CPLANE1: variants seen among roughly 807,000 people sequenced by gnomAD.
The protein encoded by CPLANE1 is ciliogenesis and planar polarity effector 1.
A neutral mutation model predicts 362.5 loss-of-function variants in CPLANE1; 263 were observed. The ratio of observed to expected loss-of-function variants is 0.73; its 90% CI spans 0.66 to 0.80. The LOEUF (loss-of-function observed/expected upper bound fraction) is 0.80. Among genes scored for constraint, CPLANE1 ranks in the 30% least tolerant of loss-of-function variants. The pLI, the probability that CPLANE1 is intolerant of heterozygous loss-of-function variation, is 0.00. For synonymous variants in CPLANE1, 1,212 were observed against 1,302.6 expected, an observed-to-expected ratio of 0.93 and a Z score of 1.50; for missense variants, 3,461 against 3,793.4, an observed-to-expected ratio of 0.91 and a Z score of 2.30.
rs886060576 is a variant in CPLANE1, at chr5:37,165,655, C to T, written c.7417G>A (p.Glu2473Lys). 6.2e-7 allele frequency: 1 copy of T among 1,608,762 alleles called. No individual in the cohort carries two copies. Among genetic ancestry groups the T allele is most frequent in the East Asian group, 2.2e-5 (1 of 44,704 alleles). Residue 2473 changes from glutamate to lysine, a missense_variant, in exon 36 of 53, where the codon GAG becomes AAG. By Grantham distance (56) the Glu-to-Lys change is moderately conservative (BLOSUM62 1). Coordinates refer to ENST00000651892, the MANE Select transcript of CPLANE1 (RefSeq NM_001384732.1). Reference protein sequence around the residue: ...DSKKRQRRRAEKELQEKRCEK... With the variant: ...DSKKRQRRRAKKELQEKRCEK... ...CATCTTTTTTCTTGCAGCTCTTTCT[C>T]AGCTCTTCTTCTTTGCCTGTTAAAC...
Position 37,227,763 on chromosome 5 carries a change from A to G in CPLANE1, c.1176T>C (p.Ser392=), listed in dbSNP as rs1796769472. The G allele has an allele frequency of 6.4e-7, 1 of 1,551,446 alleles. No homozygotes were observed. ...DSNNSVDSSA[S]DSDPMRQRFS... is the part of the protein sequence containing the mutation. Reference sequence around the variant, plus strand: ...ATCTCTGTCTCATAGGGTCACTATCAGAAGCTGATGAATCAACAGAATTAT... The same window carrying G: ...ATCTCTGTCTCATAGGGTCACTATCGGAAGCTGATGAATCAACAGAATTAT... Residue 392 remains serine (S), a synonymous_variant, in exon 10 of 53, where the codon TCT becomes TCC. Coordinates refer to ENST00000651892, the MANE Select transcript of CPLANE1 (RefSeq NM_001384732.1).
At chr5:37,202,715 T>C (rs1789549278) in intron 18 of CPLANE1, among the ~76,000 whole-genome samples, 1 of 152,138 alleles carries the variant, frequency 6.6e-6, no homozygotes, top group Admixed American at 6.6e-5. Context: ...GAATATAATA[T>C]GTCAAACACT....
chr5:37,110,491 T>C (rs1758850638), intron 51 of CPLANE1, among the ~76,000 whole-genome samples: 1 of 152,218 alleles, frequency 6.6e-6, no homozygotes, highest in African/African-American at 2.4e-5. Context: ...ATTTGCTTCA[T>C]ACTAAGAGCT....
chr5:37,218,737 C>T (rs1488243893), intron 15 of CPLANE1, among the ~76,000 whole-genome samples: 2 of 151,918 alleles, frequency 1.3e-5, no homozygotes, highest in East Asian at 1.9e-4. Context: ...CACCTGAGGT[C>T]GGGAGTTCAA....
intron 46 of CPLANE1, among the ~76,000 whole-genome samples, chr5:37,131,478 C>T (rs985757597): frequency 6.6e-6 from 1 of 151,912 alleles, no homozygotes; most frequent in African/African-American, 2.4e-5. Flanking sequence ...ATAACTTGGT[C>T]TTAGAGCTCT....
Position 37,205,454 on chromosome 5 carries a change from C to A in CPLANE1, c.3150G>T (p.Arg1050Ser). The change falls in exon 18 of 53, where the codon AGG becomes AGT. Residue 1050 changes from arginine (R) to serine (S), a missense_variant and splice_region_variant. Around this residue, in one of 2 missense-constraint regions of CPLANE1, gnomAD observed 3,380 missense variants for 3,666.1 expected, o/e 0.92. Transcript: ENST00000651892. ...GTAGATTCAGACTCTTTTTCTTGGACCTGAAATGACATCAAATTAAGGGAA... is the reference window on the plus strand; with the variant it reads ...GTAGATTCAGACTCTTTTTCTTGGAACTGAAATGACATCAAATTAAGGGAA... ...LFCKRDSNFM[R>S]SKKKSLNLPL... The A allele has an allele frequency of 2.7e-6, 4 of 1,491,706 alleles. No homozygotes were observed. The highest frequency in any genetic ancestry group is 2.5e-5 in the East Asian group (1 of 39,230). The allele number at this position is 1,491,706 out of a possible 1,614,324, so 92.4% of individuals were successfully genotyped here.
At chr5:37,076,273 GAA>G in the CPLANE1 span, among the ~76,000 whole-genome samples, 1 of 149,962 alleles carries the variant, frequency 6.7e-6, no homozygotes. Context: ...AAAAAGAAAA[GAA>G]AAGAGAAAAT....
In CPLANE1 at chr5:37,111,166, G is replaced by T. The variant is rs181974527; in HGVS notation, c.9401-2695C>A. Among the ~76,000 whole-genome samples, 11 of 149,378 alleles carry T rather than the reference G, an allele frequency of 7.4e-5. No individual in the cohort carries two copies. The East Asian group carries it at 2.2e-3, about 30-fold the overall frequency. On this transcript the variant is annotated intron_variant, in intron 51 of 52. Transcript: ENST00000651892. ...GACAGAGTCTCGCTCTGTCACTCAGGCTGGAGTGCAGTGGCATGATCTCGG... is the reference window on the plus strand; with the variant it reads ...GACAGAGTCTCGCTCTGTCACTCAGTCTGGAGTGCAGTGGCATGATCTCGG...
chr5:37,143,219 T>C (rs1308695100), intron 43 of CPLANE1, among the ~76,000 whole-genome samples: 1 of 152,172 alleles, frequency 6.6e-6, no homozygotes, highest in Non-Finnish European at 1.5e-5. Context: ...AAGACAAACA[T>C]ATAATCTAGC....
intron 37 of CPLANE1, among the ~76,000 whole-genome samples, chr5:37,163,300 G>A (rs1777361382): frequency 1.3e-5 from 2 of 152,154 alleles, no homozygotes; most frequent in African/African-American, 2.4e-5. Flanking sequence ...GGATAAGAGG[G>A]AAGACAGAAT....
At position 37,153,739 on chromosome 5, in the gene CPLANE1, C is replaced by T. The variant is rs1268555425; in HGVS notation, c.8373+1G>A. ...AAAAACTAAAAATAAAGGTAGTCTA[C>T]CTTATCACAATGTAGATCTAGCATT... On this transcript the variant is annotated splice_donor_variant, in intron 42 of 52. Coordinates refer to ENST00000651892, the MANE Select transcript of CPLANE1 (RefSeq NM_001384732.1). LOFTEE classifies it high-confidence loss of function. 6 of 1,606,938 alleles carry T rather than the reference C, an allele frequency of 3.7e-6. No homozygotes were observed. Among genetic ancestry groups the T allele is most frequent in the Non-Finnish European group, 4.3e-6 (5 of 1,174,196 alleles).
intron 32 of CPLANE1, among the ~76,000 whole-genome samples, chr5:37,170,577 T>C (rs969190821): frequency 1.3e-5 from 2 of 152,142 alleles, no homozygotes; most frequent in African/African-American, 4.8e-5. Context: ...TGGAACTATT[T>C]GTAAACAGTT....
intron 21 of CPLANE1, among the ~76,000 whole-genome samples, chr5:37,192,460 T>C (rs1165823653): frequency 6.6e-6 from 1 of 152,180 alleles, no homozygotes; most frequent in Non-Finnish European, 1.5e-5. Context: ...AATTGTCTAA[T>C]GACACATTTC....
At chr5:37,093,460 C>T in the CPLANE1 span, among the ~76,000 whole-genome samples, 8 of 152,186 alleles carry the variant, frequency 5.3e-5, no homozygotes, top group South Asian at 2.1e-4. Flanking sequence ...TAACAGCAGA[C>T]GTAAAGCAAC....
At chr5:37,171,687 AT>A (rs1266376538) in intron 32 of CPLANE1, among the ~76,000 whole-genome samples, 1 of 151,568 alleles carries the variant, frequency 6.6e-6, no homozygotes, top group Non-Finnish European at 1.5e-5. Context: ...ATCATTCATA[AT>A]CCTACCCTCA....
chr5:37,138,983 T>G (rs1353779355), intron 45 of CPLANE1, 135 bp from the exon 46 acceptor site: 1 of 763,768 alleles, frequency 1.3e-6, no homozygotes, highest in Non-Finnish European at 2.0e-6. Context: ...TCTGTAATTC[T>G]AGTATCTCTC....
chr5:37,181,171 C>G (rs1259239814), intron 26 of CPLANE1, among the ~76,000 whole-genome samples, 166 bp from the exon 27 acceptor site: 1 of 152,134 alleles, frequency 6.6e-6, no homozygotes. Flanking sequence ...AAGCAATGAT[C>G]AAGTCTTTAT....
Position 37,206,223 on chromosome 5 carries a change from G to T in CPLANE1, c.3123C>A (p.Phe1041Leu). Residue 1041 changes from phenylalanine to leucine, a missense_variant, in exon 17 of 53, where the codon TTC becomes TTA. Transcript: ENST00000651892. The part of the protein sequence containing the change: ...SVSIGVAFQL[F>L]CKRDSNFMRS... ...TCATGAAATTGCTATCACGTTTACA[G>T]AACAGCTGGAAAGCCACACCAATTG... The T allele has an allele frequency of 6.4e-7, 1 of 1,551,666 alleles. No individual in the cohort carries two copies. The highest frequency in any genetic ancestry group is 8.7e-7 in the Non-Finnish European group (1 of 1,146,852).
At chr5:37,221,111 G>GATTACCA in intron 15 of CPLANE1, among the ~76,000 whole-genome samples, 1 of 152,164 alleles carries the variant, frequency 6.6e-6, no homozygotes. Flanking sequence ...AATCACCAGA[G>GATTACCA]AGGTAGAACA....
Sources: allele counts gnomAD v4.1 joint callset (sites outside exome capture counted in the v4.1 genomes callset), GRCh38; gene constraint gnomAD v4.1.1; regional missense constraint gnomAD v4.1.1; transcripts MANE v1.5; gene names NCBI Gene and HGNC (gene_info 2026-07-23, HGNC 2026-07-21).